FGD1: variants seen among roughly 807,000 people sequenced by gnomAD.
FGD1 encodes FYVE, RhoGEF and PH domain-containing protein 1.
A neutral mutation model predicts 65.0 loss-of-function variants in FGD1; 12 were observed. The observed-to-expected ratio is 0.18, with a 90% CI of 0.12 to 0.30. The LOEUF (loss-of-function observed/expected upper bound fraction) is 0.30, where lower values mean the gene tolerates loss of function less well. Ranked by LOEUF, FGD1 falls within the 10% of genes least tolerant of loss-of-function variation. The probability of loss-of-function intolerance (pLI) is 1.00; values close to 1 mark genes in which losing one functional copy is unlikely to be tolerated. For synonymous variants in FGD1, 333 were observed against 343.9 expected (o/e 0.97, Z 0.35); for missense variants, 542 against 837.6 (o/e 0.65, Z 4.36).
chrX:54,494,749 G>GT (rs1923489448), intron 1 of FGD1, among the ~76,000 whole-genome samples: 1 of 111,471 alleles, frequency 9.0e-6, no homozygotes, highest in Non-Finnish European at 1.9e-5. Flanking sequence ...CTTGGCAAAT[G>GT]TAAGGCTCCT....
In FGD1 at chrX:54,471,468, C is replaced by G. The variant is rs1922894582; in HGVS notation, c.327G>C (p.Arg109=). 1 of 1,211,296 alleles carries G rather than the reference C, an allele frequency of 8.3e-7. No homozygotes were observed. Among genetic ancestry groups the G allele is most frequent in the East Asian group, 3.0e-5 (1 of 33,838 alleles). ...QPRPGLHQGN[R]ILVKSLSLDP... is the part of the protein sequence containing the mutation. Reference sequence around the variant, plus strand: ...CAAGGGACAAACTTTTAACCAGGATCCGGTTTCCCTGGTGCAGCCCTGCAG... The same window carrying G: ...CAAGGGACAAACTTTTAACCAGGATGCGGTTTCCCTGGTGCAGCCCTGCAG... Residue 109 remains arginine, a synonymous_variant, in exon 2 of 18, where the codon CGG becomes CGC. Transcript: ENST00000375135.
chrX:54,471,597 T>C, intron 1 of FGD1, 110 bp from the exon 2 acceptor site: 1 of 733,337 alleles, frequency 1.4e-6, no homozygotes, highest in Non-Finnish European at 2.0e-6. Flanking sequence ...ATTGGGTTTC[T>C]CTGAGCCCCT....
At chrX:54,469,749 C>T (rs900585434) in intron 4 of FGD1, among the ~76,000 whole-genome samples, 2 of 112,065 alleles carry the variant, frequency 1.8e-5, no homozygotes. Flanking sequence ...TGCACAGCCT[C>T]GGGCCCCTGC....
intron 1 of FGD1, among the ~76,000 whole-genome samples, chrX:54,475,300 A>G (rs996602170): frequency 9.8e-5 from 11 of 112,633 alleles, no homozygotes; most frequent in Non-Finnish European, 2.1e-4. Flanking sequence ...GTCACAGAGC[A>G]AATCAATGAA....
At chrX:54,446,518 C>A in intron 17 of FGD1, 104 bp from the exon 18 acceptor site, 2 of 751,247 alleles carry the variant, frequency 2.7e-6, no homozygotes, top group South Asian at 5.1e-5. Context: ...GTCCCCTACT[C>A]AGGAACTCCC....
chrX:54,455,197 A>C (rs1299039673), intron 12 of FGD1, among the ~76,000 whole-genome samples: 1 of 112,296 alleles, frequency 8.9e-6, no homozygotes, highest in African/African-American at 3.2e-5. Flanking sequence ...TTAATTAGGG[A>C]GAGCTTATTC....
chrX:54,476,542 G>T lies in FGD1; in HGVS notation c.308-5055C>A, dbSNP rs750942069. On this transcript the variant is annotated intron_variant, in intron 1 of 17. Coordinates refer to ENST00000375135, the MANE Select transcript of FGD1 (RefSeq NM_004463.3). ...ATTTTTAATTTTTTTTGTAGAGATG[G>T]GGTCCTTCTTTGTTGCCCAGGCTGG... Among the ~76,000 whole-genome samples, 4 of 109,298 alleles carry T rather than the reference G, an allele frequency of 3.7e-5. No individual in the cohort carries two copies. The East Asian group carries it at 1.2e-3, about 32-fold the overall frequency. The allele number at this position is 109,298 out of a possible 115,157, so 94.9% of individuals were successfully genotyped here. A position where few individuals can be genotyped will look rare whatever the true frequency, so the allele number is the denominator to read the frequency against.
At chrX:54,482,402 C>T (rs1343683926) in intron 1 of FGD1, among the ~76,000 whole-genome samples, 2 of 111,879 alleles carry the variant, frequency 1.8e-5, no homozygotes, top group African/African-American at 3.3e-5. Flanking sequence ...GTAGCTCCAC[C>T]CCCGCCCATC....
intron 8 of FGD1, among the ~76,000 whole-genome samples, chrX:54,462,764 T>C (rs1399102641): frequency 1.1e-5 from 1 of 86,971 alleles, no homozygotes; most frequent in Non-Finnish European, 2.3e-5. Flanking sequence ...GGCTGCTCCT[T>C]CTTTTTTTTT....
At chrX:54,470,481 T>C (rs1420624391) in intron 3 of FGD1, 24 bp from the exon 4 acceptor site, 1 of 1,191,876 alleles carries the variant, frequency 8.4e-7, no homozygotes, top group South Asian at 1.8e-5. Flanking sequence ...TGGACACACA[T>C]GGAAGCAGGG....
At chrX:54,494,626 C>A (rs1923486527) in intron 1 of FGD1, among the ~76,000 whole-genome samples, 1 of 109,802 alleles carries the variant, frequency 9.1e-6, no homozygotes, top group Admixed American at 9.8e-5. Context: ...CTCTGAGCTT[C>A]AGTTTCCTTC....
chrX:54,494,517 T>G (rs1394983691), intron 1 of FGD1, among the ~76,000 whole-genome samples: 1 of 107,120 alleles, frequency 9.3e-6, no homozygotes, highest in East Asian at 2.9e-4. Flanking sequence ...CAGCCTCAGT[T>G]TGGGGAAGCA....
In FGD1 at chrX:54,446,348, G is replaced by A. The variant is rs1295137376; in HGVS notation, c.2647C>T (p.Arg883Trp). The A allele has an allele frequency of 3.3e-6, 4 of 1,210,626 alleles. No homozygotes were observed. The highest frequency in any genetic ancestry group is 4.5e-6 in the Non-Finnish European group (4 of 894,814). The change falls in exon 18 of 18, where the codon CGG becomes TGG. Residue 883 changes from arginine to tryptophan, a missense_variant. Arg to Trp is a moderately radical substitution (Grantham distance 101). Coordinates refer to ENST00000375135, the MANE Select transcript of FGD1 (RefSeq NM_004463.3). ...FEVGPPEAGE[R>W]PDRRHVFKIT... Reference sequence around the variant, plus strand: ...TTGAAGACATGCCTTCTGTCAGGCCGCTCCCCTGCCTCGGGCGGTCCCACC... The same window carrying A: ...TTGAAGACATGCCTTCTGTCAGGCCACTCCCCTGCCTCGGGCGGTCCCACC...
At chrX:54,477,433 A>ATT (rs748962868) in intron 1 of FGD1, among the ~76,000 whole-genome samples, 5 of 103,776 alleles carry the variant, frequency 4.8e-5, no homozygotes, top group African/African-American at 1.8e-4. Context: ...CACTCAGTTA[A>ATT]TTTTTTTTTT....
Position 54,495,452 on chromosome X carries a change from G to A in FGD1, c.-20C>T. ...ATGCATGGTCCGGGCCTGGGCGCGG[G>A]GCCCGAGCTCCCCGCTTGGCTCCAG... On this transcript the variant is annotated 5_prime_UTR_variant, in exon 1 of 18. Coordinates refer to ENST00000375135, the MANE Select transcript of FGD1 (RefSeq NM_004463.3). The A allele has an allele frequency of 5.2e-6, 5 of 956,765 alleles. No individual in the cohort carries two copies. The highest frequency in any genetic ancestry group is 6.5e-6 in the Non-Finnish European group (5 of 767,716). 78.8% of individuals were successfully genotyped at this position (956,765 alleles called of 1,213,427 possible). A position where few individuals can be genotyped will look rare whatever the true frequency, so the allele number is the denominator to read the frequency against.
chrX:54,461,827 G>A (rs929145558), intron 8 of FGD1, among the ~76,000 whole-genome samples: 1 of 108,524 alleles, frequency 9.2e-6, no homozygotes, highest in Non-Finnish European at 1.9e-5. Flanking sequence ...TTTAAGTTCA[G>A]GCTGAAAGTT....
rs368521395 is a variant in FGD1, at chrX:54,449,127, G to T, written c.2274+16C>A. The T allele has an allele frequency of 3.3e-6, 4 of 1,210,503 alleles. No individual in the cohort carries two copies. The highest frequency in any genetic ancestry group is 4.5e-6 in the Non-Finnish European group (4 of 895,185). ...CTGTCCCCTCCCTAGCTCTGCCCCT[G>T]CCTCCCAACACTCACATGCCCGCAG... is the stretch of plus-strand genomic sequence containing the variant. On this transcript the variant is annotated intron_variant, in intron 15 of 17. Transcript: ENST00000375135.
chrX:54,458,655 A>T (rs757495503), intron 8 of FGD1, among the ~76,000 whole-genome samples: 12 of 109,937 alleles, frequency 1.1e-4, no homozygotes, highest in Admixed American at 4.9e-4. Context: ...CATCTGGCCA[A>T]CTGTCACTGT....
rs1230369170 is a variant in FGD1 at position 54,496,164 on chromosome X, C to CT, written c.-733dup. 1.0e-5 allele frequency: 1 copy of CT among 99,388 alleles called. No homozygotes were observed. Among genetic ancestry groups the CT allele is most frequent in the African/African-American group, 3.6e-5 (1 of 27,636 alleles). The allele number at this position is 99,388 out of a possible 1,213,427, so 8.2% of individuals were successfully genotyped here. On this transcript the variant is annotated 5_prime_UTR_variant, in exon 1 of 18. Transcript: ENST00000375135. ...CGGCGGCGGCGGGCGGGAAGGAGCC[C>CT]TGGGAAGGGGGGTGGGGAGGCGGGA...
Sources: allele counts gnomAD v4.1 joint callset (sites outside exome capture counted in the v4.1 genomes callset), GRCh38; gene constraint gnomAD v4.1.1; transcripts MANE v1.5; gene names NCBI Gene and HGNC (gene_info 2026-07-23, HGNC 2026-07-21).